NPAS3: variants seen among roughly 807,000 people sequenced by gnomAD.
NPAS3 encodes neuronal PAS domain-containing protein 3.
A neutral mutation model predicts 73.1 loss-of-function variants in NPAS3; 14 were observed. That is an observed-to-expected ratio of 0.19 (90% CI 0.13 to 0.30). NPAS3 has a LOEUF of 0.30. NPAS3 is among the 10% of genes least tolerant of loss of function. The pLI, the probability that NPAS3 is intolerant of heterozygous loss-of-function variation, is 1.00. For missense variants in NPAS3, 1,096 were observed against 1,250.0 expected, an observed-to-expected ratio of 0.88 and a Z score of 1.86; for synonymous variants, 620 against 541.5, an observed-to-expected ratio of 1.14 and a Z score of -2.01.
At chr14:32,957,405 T>A (rs1595087505) in intron 1 of NPAS3, among the ~76,000 whole-genome samples, 1 of 150,658 alleles carries the variant, frequency 6.6e-6, no homozygotes, top group South Asian at 2.1e-4. Context: ...GGAGTCTCGC[T>A]CTGTGGCGCA....
At chr14:33,364,031 G>C (rs1440101383) in intron 3 of NPAS3, among the ~76,000 whole-genome samples, 1 of 151,778 alleles carries the variant, frequency 6.6e-6, no homozygotes, top group Non-Finnish European at 1.5e-5. Flanking sequence ...ACAAATAAAT[G>C]AAATATGTCA....
At chr14:33,434,719 A>C (rs1219703651) in intron 4 of NPAS3, among the ~76,000 whole-genome samples, 1 of 152,244 alleles carries the variant, frequency 6.6e-6, no homozygotes, top group Non-Finnish European at 1.5e-5. Flanking sequence ...TAGCTTATAT[A>C]TGAGTTTTTA....
chr14:33,709,600 T>A (rs2060760265), intron 6 of NPAS3, among the ~76,000 whole-genome samples: 1 of 152,178 alleles, frequency 6.6e-6, no homozygotes, highest in Admixed American at 6.6e-5. Flanking sequence ...GTGTGAGAAG[T>A]GCTTTCACAT....
chr14:33,597,833 A>G (rs1251737309), intron 5 of NPAS3, among the ~76,000 whole-genome samples: 2 of 152,198 alleles, frequency 1.3e-5, no homozygotes, highest in Admixed American at 1.3e-4. Flanking sequence ...GGAATTTTTC[A>G]TGTGGACCTG....
At chr14:33,376,874 G>T (rs941934221) in intron 4 of NPAS3, among the ~76,000 whole-genome samples, 2 of 152,192 alleles carry the variant, frequency 1.3e-5, no homozygotes, top group Non-Finnish European at 2.9e-5. Context: ...AGTTGAAAGT[G>T]CTTGATACAG....
At chr14:33,330,079 C>T (rs1335124480) in intron 3 of NPAS3, among the ~76,000 whole-genome samples, 1 of 152,070 alleles carries the variant, frequency 6.6e-6, no homozygotes, top group Non-Finnish European at 1.5e-5. Flanking sequence ...CCCAGCTCTA[C>T]TAAAAATGCA....
chr14:33,708,829 C>T (rs2140484178), intron 6 of NPAS3, among the ~76,000 whole-genome samples: 1 of 152,256 alleles, frequency 6.6e-6, no homozygotes, highest in South Asian at 2.1e-4. Context: ...CAGGGCTCAG[C>T]ATATGGGCAC....
intron 5 of NPAS3, among the ~76,000 whole-genome samples, chr14:33,604,843 A>C (rs1398154257): frequency 6.6e-6 from 1 of 152,148 alleles, no homozygotes; most frequent in Non-Finnish European, 1.5e-5. Flanking sequence ...AAATAACACA[A>C]TCCAAAATTA....
At chr14:33,518,494 A>G (rs2053407574) in intron 4 of NPAS3, among the ~76,000 whole-genome samples, 1 of 152,094 alleles carries the variant, frequency 6.6e-6, no homozygotes, top group Admixed American at 6.6e-5. Flanking sequence ...CCAAGAGAAA[A>G]AGGCAAAGAG....
chr14:33,053,184 C>A (rs1410928369), intron 1 of NPAS3, among the ~76,000 whole-genome samples: 1 of 152,082 alleles, frequency 6.6e-6, no homozygotes. Flanking sequence ...TAGACAAATC[C>A]CCTGTTATTT....
In NPAS3 at chr14:33,150,097, C is replaced by T. The variant is rs918958012; in HGVS notation, c.141-65085C>T. 7.9e-5 allele frequency among the ~76,000 whole-genome samples: 12 copies of T among 152,310 alleles called. 1 individual carries two copies. The highest frequency in any genetic ancestry group is 3.4e-3 in the Middle Eastern group (1 of 294). On this transcript the variant is annotated intron_variant, in intron 2 of 11. Coordinates refer to ENST00000356141, the Ensembl canonical transcript of NPAS3. ...TGATGGTTTCCAGCTTCATCCATGT[C>T]CCTGCAAAGGACATGAACTCATCCT... is the stretch of plus-strand genomic sequence containing the variant.
At position 33,798,007 on chromosome 14, in the gene NPAS3, CAGA is replaced by C. The variant is rs529427893; in HGVS notation, c.1426+429_1426+431del. ...ACTTAATGTCAATCCACTGGCCATA[CAGA>C]AGGAGCCCTGCTCTAACCTCATAGC... On this transcript the variant is annotated intron_variant, in intron 11 of 11. Coordinates refer to ENST00000356141, the Ensembl canonical transcript of NPAS3. Among the ~76,000 whole-genome samples, 69 of 152,130 alleles carry C rather than the reference CAGA, an allele frequency of 4.5e-4. 1 individual carries two copies. In the East Asian group the frequency reaches 7.9e-3, roughly 18 times the overall value.
chr14:33,171,339 A>G (rs1218750920), intron 2 of NPAS3, among the ~76,000 whole-genome samples: 1 of 152,144 alleles, frequency 6.6e-6, no homozygotes, highest in Non-Finnish European at 1.5e-5. Flanking sequence ...ACTATTCTTA[A>G]TGGCCCTAGG....
chr14:32,941,111 G>A (rs1454493825), intron 1 of NPAS3, among the ~76,000 whole-genome samples: 3 of 152,010 alleles, frequency 2.0e-5, no homozygotes, highest in African/African-American at 7.2e-5. Context: ...AGAGCATTGT[G>A]CAAGGATTTT....
At chr14:33,444,715 T>C (rs1486290293) in intron 4 of NPAS3, among the ~76,000 whole-genome samples, 1 of 152,250 alleles carries the variant, frequency 6.6e-6, no homozygotes, top group Non-Finnish European at 1.5e-5. Context: ...TTTTATGCTT[T>C]ATATATTTAT....
intron 1 of NPAS3, among the ~76,000 whole-genome samples, chr14:33,020,716 G>T (rs2039562354): frequency 2.6e-5 from 4 of 151,504 alleles, no homozygotes; most frequent in African/African-American, 7.3e-5. Context: ...TCTGCCTAAA[G>T]CTGTTCATCA....
chr14:33,384,521 G>A (rs2046695306), intron 4 of NPAS3, among the ~76,000 whole-genome samples: 1 of 151,868 alleles, frequency 6.6e-6, no homozygotes, highest in Non-Finnish European at 1.5e-5. Context: ...CCTGAAGTCA[G>A]GAGTTCAAGA....
chr14:33,579,411 G>A (rs1595197852), intron 5 of NPAS3, among the ~76,000 whole-genome samples: 1 of 152,282 alleles, frequency 6.6e-6, no homozygotes, highest in East Asian at 1.9e-4. Context: ...ATCTCTGTAT[G>A]TGACTTGACA....
chr14:33,778,172 A>G (rs1043012061), intron 8 of NPAS3, among the ~76,000 whole-genome samples: 1 of 152,228 alleles, frequency 6.6e-6, no homozygotes, highest in Non-Finnish European at 1.5e-5. Flanking sequence ...CTGATTCTCA[A>G]TAATTTCATG....
Sources: allele counts gnomAD v4.1 joint callset (sites outside exome capture counted in the v4.1 genomes callset), GRCh38; gene constraint gnomAD v4.1.1; transcripts MANE v1.5; gene names NCBI Gene and HGNC (gene_info 2026-07-23, HGNC 2026-07-21).